Variants in RIC3 observed in about 807,000 individuals in gnomAD.
The protein encoded by RIC3 is RIC3 acetylcholine receptor chaperone.
In RIC3, 28 loss-of-function variants were observed where a neutral mutation model predicts 27.3. The ratio of observed to expected loss-of-function variants is 1.02; its 90% confidence interval spans 0.76 to 1.41. RIC3 has a LOEUF of 1.41. Ranked by LOEUF, RIC3 falls within the 40% of genes most tolerant of loss-of-function variation. RIC3 has a pLI of 0.00. For synonymous variants in RIC3, 184 were observed against 160.4 expected, an observed-to-expected ratio of 1.15 and a Z score of -1.11; for missense variants, 501 against 444.7, an observed-to-expected ratio of 1.13 and a Z score of -1.14.
At chr11:8,129,177 A>G (rs2133691847) in intron 4 of RIC3, among the ~76,000 whole-genome samples, 1 of 151,750 alleles carries the variant, frequency 6.6e-6, no homozygotes, top group Admixed American at 6.6e-5. Flanking sequence ...CTCCTCCCTT[A>G]GCTATTGAGA....
intron 5 of RIC3, among the ~76,000 whole-genome samples, chr11:8,121,599 C>T (rs909785554): frequency 1.3e-5 from 2 of 151,914 alleles, no homozygotes; most frequent in African/African-American, 2.4e-5. Context: ...GACTGTAGTC[C>T]CAGCTATTTG....
intron 1 of RIC3, among the ~76,000 whole-genome samples, chr11:8,141,292 G>A (rs1343644060): frequency 1.3e-5 from 2 of 151,778 alleles, no homozygotes; most frequent in South Asian, 2.1e-4. Flanking sequence ...CCCATCTCAC[G>A]TGCAGAGACA....
chr11:8,167,327 G>A (rs969818614), intron 1 of RIC3, among the ~76,000 whole-genome samples: 1 of 152,098 alleles, frequency 6.6e-6, no homozygotes, highest in Non-Finnish European at 1.5e-5. Flanking sequence ...TATAAAACAT[G>A]ATAAAATAGA....
At chr11:8,101,593 T>C (rs1944308943), downstream of RIC3, 2 of 1,614,120 alleles carry the variant, frequency 1.2e-6, no homozygotes, top group Admixed American at 1.7e-5. Context: ...CCTGTCCAGC[T>C]TCGACAGCAA....
chr11:8,127,624 C>T (rs1947145903), intron 4 of RIC3, among the ~76,000 whole-genome samples: 1 of 152,208 alleles, frequency 6.6e-6, no homozygotes, highest in Non-Finnish European at 1.5e-5. Context: ...CACTGCATCA[C>T]ACTGACAGGC....
At chr11:8,131,108 TCAC>T (rs1947643257) in intron 4 of RIC3, among the ~76,000 whole-genome samples, 3 of 48,890 alleles carry the variant, frequency 6.1e-5, no homozygotes, top group Admixed American at 2.3e-4. Flanking sequence ...ATTCATTCAT[TCAC>T]TCACTCACTC....
intron 1 of RIC3, among the ~76,000 whole-genome samples, chr11:8,163,069 C>CACACACACACA (rs1565138023): frequency 1.2e-4 from 16 of 138,152 alleles, no homozygotes; most frequent in South Asian, 4.8e-4. Flanking sequence ...ACACACACAC[C>CACACACACACA]CCCCAAAACA....
In RIC3 at chr11:8,107,148, A is replaced by G. The variant is rs1944757096; in HGVS notation, c.*3550T>C. On this transcript the variant is annotated 3_prime_UTR_variant, in exon 6 of 6. Coordinates refer to ENST00000309737, the MANE Select transcript of RIC3 (RefSeq NM_001206671.4). ...AAAGGAAGCACATTTTAGAAAAGTC[A>G]ATGGTCAAGGCAAAGTCATAAATGT... is the stretch of plus-strand genomic sequence containing the variant. 6.6e-6 allele frequency: 1 copy of G among 152,260 alleles called. No individual in the cohort carries two copies. The highest frequency in any genetic ancestry group is 2.4e-5 in the African/African-American group (1 of 41,466). The allele number at this position is 152,260 out of a possible 1,614,324, so 9.4% of individuals were successfully genotyped here. A position where few individuals can be genotyped will look rare whatever the true frequency, so the allele number is the denominator to read the frequency against.
chr11:8,131,351 G>T (rs892514664), intron 4 of RIC3, among the ~76,000 whole-genome samples: 1 of 152,178 alleles, frequency 6.6e-6, no homozygotes. Flanking sequence ...TCTAATTTCT[G>T]CTTTGGGCAA....
chr11:8,138,206 G>A (rs1590223395), intron 3 of RIC3, 66 bp downstream of exon 3: 1 of 1,106,984 alleles, frequency 9.0e-7, no homozygotes. Context: ...CCCACAGACT[G>A]TCCCTGTGGC....
the RIC3 span, among the ~76,000 whole-genome samples, chr11:8,095,822 G>A: frequency 9.8e-5 from 15 of 152,380 alleles, no homozygotes; most frequent in East Asian, 2.7e-3. Flanking sequence ...GAAACTCTTA[G>A]GCAGGGCCCC....
Position 8,152,875 on chromosome 11 carries a change from C to A in RIC3, c.125-12682G>T, listed in dbSNP as rs185711627. On this transcript the variant is annotated intron_variant, in intron 1 of 5. Transcript: ENST00000309737. ...AGAAAACAATGCTTTCTCCAGGAAGCTCATCCTACCTCTACACAGCTCTGA... is the reference window on the plus strand; with the variant it reads ...AGAAAACAATGCTTTCTCCAGGAAGATCATCCTACCTCTACACAGCTCTGA... Among the ~76,000 whole-genome samples, 260 of 152,106 alleles carry A rather than the reference C, an allele frequency of 1.7e-3. 1 individual carries two copies. The highest frequency in any genetic ancestry group is 3.0e-3 in the Non-Finnish European group (204 of 68,000).
chr11:8,139,698 T>C (rs1483695856), intron 2 of RIC3: 2 of 351,934 alleles, frequency 5.7e-6, no homozygotes, highest in Non-Finnish European at 1.0e-5. Context: ...ACTCACTGGA[T>C]TAAGAACCAA....
chr11:8,154,847 A>G (rs1031335898), intron 1 of RIC3, among the ~76,000 whole-genome samples: 9 of 152,242 alleles, frequency 5.9e-5, no homozygotes, highest in African/African-American at 2.2e-4. Context: ...AAAACAAAAC[A>G]GCTATGTGAC....
intron 1 of RIC3, among the ~76,000 whole-genome samples, chr11:8,152,668 T>C (rs2134138127): frequency 6.6e-6 from 1 of 152,312 alleles, no homozygotes; most frequent in South Asian, 2.1e-4. Context: ...TAGTGATAGT[T>C]GCACAACTCT....
At chr11:8,134,317 A>T (rs1426257181) in intron 4 of RIC3, among the ~76,000 whole-genome samples, 2 of 152,172 alleles carry the variant, frequency 1.3e-5, no homozygotes, top group Non-Finnish European at 2.9e-5. Context: ...CCTACAAAGG[A>T]CATGAACTCA....
chr11:8,094,249 G>A, the RIC3 span: 6 of 1,531,932 alleles, frequency 3.9e-6, no homozygotes, highest in Admixed American at 2.0e-5. Flanking sequence ...TAGGGCTGGG[G>A]AAGGTTTGTC....
chr11:8,095,484 T>C, the RIC3 span: 2 of 1,602,816 alleles, frequency 1.2e-6, no homozygotes, highest in Non-Finnish European at 1.7e-6. Flanking sequence ...CTCAGGCGTG[T>C]CCGTGGCCTG....
the RIC3 span, among the ~76,000 whole-genome samples, chr11:8,099,616 G>C: frequency 1.3e-5 from 2 of 152,166 alleles, no homozygotes; most frequent in African/African-American, 4.8e-5. Flanking sequence ...ACCTTTATGG[G>C]ACTTAAAGCC....
Sources: allele counts gnomAD v4.1 joint callset (sites outside exome capture counted in the v4.1 genomes callset), GRCh38; gene constraint gnomAD v4.1.1; transcripts MANE v1.5; gene names NCBI Gene and HGNC (gene_info 2026-07-23, HGNC 2026-07-21).